OR2AP1: variants seen among roughly 807,000 people sequenced by gnomAD.
OR2AP1 encodes the protein olfactory receptor 2AP1.
A neutral mutation model predicts 13.9 loss-of-function variants in OR2AP1; 20 were observed. The observed-to-expected ratio is 1.44, with a 90% CI of 1.01 to 2.09. The LOEUF is 2.09. Ranked by LOEUF, OR2AP1 falls within the 30% of genes most tolerant of loss-of-function variation. OR2AP1 has a pLI of 0.00. For missense variants in OR2AP1, 490 were observed against 360.6 expected (o/e 1.36, Z -2.91); for synonymous variants, 174 against 137.0 (o/e 1.27, Z -1.89).
chr12:55,575,304 A>G lies in OR2AP1; in HGVS notation c.890A>G (p.Gln297Arg), dbSNP rs767021757. The G allele has an allele frequency of 5.9e-6, 9 of 1,530,660 alleles. No individual in the cohort carries two copies. Among genetic ancestry groups the G allele is most frequent in the Non-Finnish European group, 7.9e-6 (9 of 1,141,412 alleles). The allele number at this position is 1,530,660 out of a possible 1,614,324, so 94.8% of individuals were successfully genotyped here. A position where few individuals can be genotyped will look rare whatever the true frequency, so the allele number is the denominator to read the frequency against. Reference sequence around the variant, plus strand: ...ACCCTAAGGAACCAACAGGTAAAACAACCCTTCAAGGATATGGTCAAAAAG... The same window carrying G: ...ACCCTAAGGAACCAACAGGTAAAACGACCCTTCAAGGATATGGTCAAAAAG... ...IYTLRNQQVK[Q>R]PFKDMVKKLL... Residue 297 changes from glutamine (Q) to arginine (R), a missense_variant, in exon 2 of 2, where the codon CAA (glutamine) becomes CGA (arginine). Coordinates refer to ENST00000641114, the MANE Select transcript of OR2AP1 (RefSeq NM_001258285.2).
intron 1 of OR2AP1, among the ~76,000 whole-genome samples, chr12:55,572,954 T>C (rs2135879706): frequency 6.6e-6 from 1 of 152,212 alleles, no homozygotes. Context: ...GAGAGGATCA[T>C]TTGAGCCCAG....
At position 55,574,973 on chromosome 12, in the gene OR2AP1, T is replaced by G; in HGVS notation, c.559T>G (p.Cys187Gly). 6.5e-7 allele frequency: 1 copy of G among 1,537,482 alleles called. No individual in the cohort carries two copies. Among genetic ancestry groups the G allele is most frequent in the Non-Finnish European group, 8.7e-7 (1 of 1,146,836 alleles). Residue 187 changes from cysteine to glycine, a missense_variant, in exon 2 of 2, where the codon TGT (cysteine) becomes GGT (glycine). Cys to Gly is a radical substitution (Grantham distance 159). Coordinates refer to ENST00000641114, the MANE Select transcript of OR2AP1 (RefSeq NM_001258285.2). Reference sequence around the variant, plus strand: ...CTATGAGCCTCTTCTGGAACTCTCATGTTCAGACACAAGCCTCATAGAGAA... The same window carrying G: ...CTATGAGCCTCTTCTGGAACTCTCAGGTTCAGACACAAGCCTCATAGAGAA... ...CDYEPLLELS[C>G]SDTSLIEKVV...
At position 55,575,365 on chromosome 12, in the gene OR2AP1, C is replaced by T. The variant is rs184424165; in HGVS notation, c.*21C>T. On this transcript the variant is annotated 3_prime_UTR_variant, in exon 2 of 2. Transcript: ENST00000641114. ...TTTAAAGAATTTAAGAATTATGCAT[C>T]GCGACATTATTCACAATAGCAAAGA... The T allele has an allele frequency of 3.3e-4, 451 of 1,363,904 alleles. 2 individuals are homozygous for T. The African/African-American group carries it at 5.6e-3, about 17-fold the overall frequency. 84.5% of individuals were successfully genotyped at this position (1,363,904 alleles called of 1,614,324 possible).
At chr12:55,574,169 A>T (rs760736405) in intron 1 of OR2AP1, 51 bp from the exon 2 acceptor site, 153 of 460,206 alleles carry the variant, frequency 3.3e-4, no homozygotes, top group Middle Eastern at 1.1e-3. Context: ...TCATGTGAGC[A>T]CTAGGGAGAG....
chr12:55,573,781 A>G (rs1874479604), intron 1 of OR2AP1, among the ~76,000 whole-genome samples: 1 of 152,222 alleles, frequency 6.6e-6, no homozygotes, highest in African/African-American at 2.4e-5. Flanking sequence ...CAAAGGACAG[A>G]ATAGCATAAC....
In OR2AP1 at chr12:55,575,160, CT is replaced by C; in HGVS notation, c.748del (p.Tyr250ThrfsTer23). 6.2e-7 allele frequency: 1 copy of C among 1,601,856 alleles called. No homozygotes were observed. ...TCCCACATGATTGTCATCTCCCTCT[CT>C]TACGGAAGCTGCATGTTTATGTACA... is the stretch of plus-strand genomic sequence containing the variant. ...CSSHMIVISLSYGSCMFMYIN... is the reference protein window; with the variant it reads ...CSSHMIVISLXYGSCMFMYIN... On this transcript the variant is annotated frameshift_variant, in exon 2 of 2. Coordinates refer to ENST00000641114, the MANE Select transcript of OR2AP1 (RefSeq NM_001258285.2). LOFTEE classifies it high-confidence loss of function.
rs189455961 is a variant in OR2AP1, at chr12:55,575,463, A to G, written c.*119A>G. The stretch of plus-strand genomic sequence containing the variant: ...ATATGGCACATATACACCATGGAAT[A>G]CTATGCAGCCATTAAAAATGATGAG... On this transcript the variant is annotated 3_prime_UTR_variant, in exon 2 of 2. Coordinates refer to ENST00000641114, the MANE Select transcript of OR2AP1 (RefSeq NM_001258285.2). The G allele has an allele frequency of 3.4e-6, 2 of 596,064 alleles. No individual in the cohort carries two copies. The highest frequency in any genetic ancestry group is 3.7e-5 in the African/African-American group (2 of 53,816). The allele number at this position is 596,064 out of a possible 1,614,324, so 36.9% of individuals were successfully genotyped here. A position where few individuals can be genotyped will look rare whatever the true frequency, so the allele number is the denominator to read the frequency against.
At chr12:55,573,045 G>C (rs937643581) in intron 1 of OR2AP1, among the ~76,000 whole-genome samples, 1 of 152,064 alleles carries the variant, frequency 6.6e-6, no homozygotes, top group Non-Finnish European at 1.5e-5. Flanking sequence ...AGGCATGGTA[G>C]TGCATGCCTG....
In OR2AP1 at chr12:55,574,616, G is replaced by T; in HGVS notation, c.202G>T (p.Glu68Ter). 2 of 1,541,538 alleles carry T rather than the reference G, an allele frequency of 1.3e-6. No individual in the cohort carries two copies. The highest frequency in any genetic ancestry group is 2.4e-5 in the South Asian group (2 of 84,258). Reference protein sequence around the residue: ...YFFLRNFSFLEISFTNIFIPR... With the variant: ...YFFLRNFSFL The stretch of plus-strand genomic sequence containing the variant: ...CTTTCTCCGGAACTTCTCCTTCTTG[G>T]AAATTTCCTTCACAAACATCTTCAT... The change falls in exon 2 of 2, where the codon GAA becomes TAA. Residue 68 changes from glutamate (E) to a stop codon, truncating the protein, a stop_gained. Transcript: ENST00000641114. LOFTEE classifies it high-confidence loss of function.
intron 1 of OR2AP1, among the ~76,000 whole-genome samples, chr12:55,573,222 C>G (rs57826949): frequency 6.6e-6 from 1 of 151,678 alleles, no homozygotes; most frequent in African/African-American, 2.4e-5. Flanking sequence ...TGGTAAGGAA[C>G]GCTCTATAAA....
chr12:55,574,954 G>C lies in OR2AP1; in HGVS notation c.540G>C (p.Glu180Asp), dbSNP rs1159020338. 2.6e-6 allele frequency: 4 copies of C among 1,537,586 alleles called. No homozygotes were observed. The highest frequency in any genetic ancestry group is 3.5e-6 in the Non-Finnish European group (4 of 1,146,942). ...TGAATCATTACTTCTGTGACTATGA[G>C]CCTCTTCTGGAACTCTCATGTTCAG... ...NRLNHYFCDYEPLLELSCSDT... is the reference protein window; with the variant it reads ...NRLNHYFCDYDPLLELSCSDT... The change falls in exon 2 of 2, where the codon GAG (glutamate) becomes GAC (aspartate). Residue 180 changes from glutamate to aspartate, a missense_variant. Transcript: ENST00000641114.
Position 55,574,891 on chromosome 12 carries a change from C to T in OR2AP1, c.477C>T (p.Thr159=), listed in dbSNP as rs763771748. 1.3e-6 allele frequency: 2 copies of T among 1,545,794 alleles called. No homozygotes were observed. The highest frequency in any genetic ancestry group is 1.7e-6 in the Non-Finnish European group (2 of 1,149,084). ...TAATGGCTATTATACCAACAATCAC[C>T]CTGATGAGTCAGCAGGACTTTTGTG... The part of the protein sequence containing the change: ...GGLMAIIPTI[T]LMSQQDFCAS... Residue 159 remains threonine (T), a synonymous_variant, in exon 2 of 2, where the codon ACC becomes ACT. Coordinates refer to ENST00000641114, the MANE Select transcript of OR2AP1 (RefSeq NM_001258285.2).
Position 55,575,356 on chromosome 12 carries a change from A to G in OR2AP1, c.*12A>G, listed in dbSNP as rs1478840406. ...TTCTGAATCTTTAAAGAATTTAAGA[A>G]TTATGCATCGCGACATTATTCACAA... On this transcript the variant is annotated 3_prime_UTR_variant, in exon 2 of 2. Coordinates refer to ENST00000641114, the MANE Select transcript of OR2AP1 (RefSeq NM_001258285.2). 2.8e-6 allele frequency: 4 copies of G among 1,422,536 alleles called. No individual in the cohort carries two copies. Among genetic ancestry groups the G allele is most frequent in the African/African-American group, 2.9e-5 (2 of 69,552 alleles). 88.1% of individuals were successfully genotyped at this position (1,422,536 alleles called of 1,614,324 possible).
In OR2AP1 at chr12:55,574,577, A is replaced by G. The variant is rs1431159623; in HGVS notation, c.163A>G (p.Thr55Ala). Residue 55 changes from threonine (T) to alanine (A), a missense_variant, in exon 2 of 2, where the codon ACT (threonine) becomes GCT (alanine). By Grantham distance (58) the Thr-to-Ala change is moderately conservative. Coordinates refer to ENST00000641114, the MANE Select transcript of OR2AP1 (RefSeq NM_001258285.2). The stretch of plus-strand genomic sequence containing the variant: ...CACCTTGCTGGACTCCCACCTTCAG[A>G]CTCCCATGTATTTCTTTCTCCGGAA... ...ILTLLDSHLQ[T>A]PMYFFLRNFS... The G allele has an allele frequency of 6.5e-7, 1 of 1,540,164 alleles. No homozygotes were observed. The highest frequency in any genetic ancestry group is 2.0e-5 in the Admixed American group (1 of 51,206).
Position 55,574,919 on chromosome 12 carries a change from T to C in OR2AP1, c.505T>C (p.Ser169Pro). 1 of 1,539,572 alleles carries C rather than the reference T, an allele frequency of 6.5e-7. No individual in the cohort carries two copies. Among genetic ancestry groups the C allele is most frequent in the Admixed American group, 2.0e-5 (1 of 51,048 alleles). ...TLMSQQDFCA[S>P]NRLNHYFCDY... is the part of the protein sequence containing the mutation. ...GATGAGTCAGCAGGACTTTTGTGCA[T>C]CCAACAGACTGAATCATTACTTCTG... Residue 169 changes from serine to proline, a missense_variant, in exon 2 of 2, where the codon TCC (serine) becomes CCC (proline). Transcript: ENST00000641114.
rs201662798 is a variant in OR2AP1 at position 55,574,967 on chromosome 12, C to T, written c.553C>T (p.Leu185Phe). The change falls in exon 2 of 2, where the codon CTC becomes TTC. Residue 185 changes from leucine (L) to phenylalanine (F), a missense_variant. Transcript: ENST00000641114. ...YFCDYEPLLELSCSDTSLIEK... is the reference protein window; with the variant it reads ...YFCDYEPLLEFSCSDTSLIEK... ...CTGTGACTATGAGCCTCTTCTGGAACTCTCATGTTCAGACACAAGCCTCAT... is the reference window on the plus strand; with the variant it reads ...CTGTGACTATGAGCCTCTTCTGGAATTCTCATGTTCAGACACAAGCCTCAT... 2.5e-4 allele frequency: 381 copies of T among 1,537,462 alleles called. No homozygotes were observed. The highest frequency in any genetic ancestry group is 1.7e-3 in the Middle Eastern group (10 of 5,988).
chr12:55,573,380 C>T (rs138211140), intron 1 of OR2AP1, among the ~76,000 whole-genome samples: 1 of 152,076 alleles, frequency 6.6e-6, no homozygotes. Context: ...AGGGCACTCC[C>T]AGATAATGTG....
chr12:55,573,321 T>C (rs560040583), intron 1 of OR2AP1, among the ~76,000 whole-genome samples: 127 of 152,236 alleles, frequency 8.3e-4, no homozygotes, highest in Non-Finnish European at 1.4e-3. Context: ...TGCTGCCTTA[T>C]AAACATTTAT....
Position 55,574,352 on chromosome 12 carries a change from C to T in OR2AP1, c.-63C>T. The stretch of plus-strand genomic sequence containing the variant: ...TTCATCCGTTCATTTCAGAGCACCT[C>T]TTCCTTTCTCACTTTTGATTACTAC... On this transcript the variant is annotated 5_prime_UTR_variant, in exon 2 of 2. Transcript: ENST00000641114. 1.2e-6 allele frequency: 1 copy of T among 820,086 alleles called. No individual in the cohort carries two copies. The highest frequency in any genetic ancestry group is 1.9e-6 in the Non-Finnish European group (1 of 531,684). 50.8% of individuals were successfully genotyped at this position (820,086 alleles called of 1,614,324 possible). A position where few individuals can be genotyped will look rare whatever the true frequency, so the allele number is the denominator to read the frequency against.
Sources: allele counts gnomAD v4.1 joint callset (sites outside exome capture counted in the v4.1 genomes callset), GRCh38; gene constraint gnomAD v4.1.1; transcripts MANE v1.5; gene names NCBI Gene and HGNC (gene_info 2026-07-23, HGNC 2026-07-21).